SLC35F3: variants seen among roughly 807,000 people sequenced by gnomAD.
SLC35F3 encodes solute carrier family 35 member F3, also known as putative thiamine transporter SLC35F3.
A neutral mutation model predicts 49.9 loss-of-function variants in SLC35F3; 25 were observed. That is an observed-to-expected ratio of 0.50 (90% CI 0.37 to 0.70). The LOEUF (loss-of-function observed/expected upper bound fraction) is 0.70, where lower values mean the gene tolerates loss of function less well. Among genes scored for constraint, SLC35F3 ranks in the 30% least tolerant of loss-of-function variants. The pLI is 0.00. For synonymous variants in SLC35F3, 275 were observed against 265.4 expected (o/e 1.04, Z -0.35); for missense variants, 525 against 639.8 (o/e 0.82, Z 1.94).
intron 3 of SLC35F3, among the ~76,000 whole-genome samples, chr1:234,236,264 A>T (rs1236495220): frequency 1.3e-5 from 2 of 152,052 alleles, no homozygotes; most frequent in Admixed American, 1.3e-4. Flanking sequence ...AACATGGCAA[A>T]ACCCTGTCTC....
At chr1:233,975,986 G>T (rs948639221) in intron 2 of SLC35F3, among the ~76,000 whole-genome samples, 1 of 152,122 alleles carries the variant, frequency 6.6e-6, no homozygotes, top group Non-Finnish European at 1.5e-5. Context: ...ATGAGAAAGA[G>T]GAAGAAATAA....
At chr1:234,191,620 AAAC>A (rs373777477) in intron 2 of SLC35F3, among the ~76,000 whole-genome samples, 4 of 132,888 alleles carry the variant, frequency 3.0e-5, no homozygotes, top group Non-Finnish European at 5.9e-5. Context: ...AATGAAATTG[AAAC>A]AACAACAAAA....
intron 2 of SLC35F3, among the ~76,000 whole-genome samples, chr1:233,942,439 T>C (rs1383305160): frequency 6.6e-6 from 1 of 152,190 alleles, no homozygotes; most frequent in Non-Finnish European, 1.5e-5. Flanking sequence ...TTATTTATTT[T>C]GAGACAGGGT....
chr1:234,098,487 T>TGTTGGTGG (rs1558228844), intron 2 of SLC35F3, among the ~76,000 whole-genome samples: 2 of 148,512 alleles, frequency 1.3e-5, no homozygotes, highest in Non-Finnish European at 3.0e-5. Flanking sequence ...GTGGTGACTG[T>TGTTGGTGG]TGGTGGTGGC....
At chr1:234,257,258 G>T (rs910071736) in intron 3 of SLC35F3, among the ~76,000 whole-genome samples, 1 of 152,114 alleles carries the variant, frequency 6.6e-6, no homozygotes, top group Non-Finnish European at 1.5e-5. Flanking sequence ...AATTTTTCCA[G>T]TCTCCTCTAA....
chr1:234,067,482 C>T (rs1164850709), intron 2 of SLC35F3, among the ~76,000 whole-genome samples: 1 of 152,154 alleles, frequency 6.6e-6, no homozygotes, highest in Admixed American at 6.5e-5. Flanking sequence ...TGTCCGCATC[C>T]GTGAGTGGTC....
chr1:234,077,809 G>T (rs1243149799), intron 2 of SLC35F3, among the ~76,000 whole-genome samples: 1 of 152,120 alleles, frequency 6.6e-6, no homozygotes, highest in Non-Finnish European at 1.5e-5. Context: ...CTGCAGTGCT[G>T]CCTGGCACCC....
At chr1:234,087,395 C>T (rs924346455) in intron 2 of SLC35F3, among the ~76,000 whole-genome samples, 2 of 152,166 alleles carry the variant, frequency 1.3e-5, no homozygotes, top group Non-Finnish European at 2.9e-5. Context: ...CGGTATTATC[C>T]GAAGGTCCAC....
intron 2 of SLC35F3, among the ~76,000 whole-genome samples, chr1:233,930,397 G>T (rs1436118552): frequency 1.3e-5 from 2 of 152,142 alleles, no homozygotes; most frequent in African/African-American, 4.8e-5. Flanking sequence ...ACTGCAAAGA[G>T]GTATTATAAT....
chr1:234,173,434 A>G (rs2102920010), intron 2 of SLC35F3, among the ~76,000 whole-genome samples: 1 of 152,368 alleles, frequency 6.6e-6, no homozygotes, highest in Non-Finnish European at 1.5e-5. Flanking sequence ...GAGTTCAGCC[A>G]TAATTCGAGC....
At position 233,936,973 on chromosome 1, in the gene SLC35F3, T is replaced by C. The variant is rs140516986; in HGVS notation, c.283+31215T>C. ...TCCCAAAGTGTTGAGATTACAGGCGTGACCACTGCATCTGGCCACCTCTGT... is the reference window on the plus strand; with the variant it reads ...TCCCAAAGTGTTGAGATTACAGGCGCGACCACTGCATCTGGCCACCTCTGT... On this transcript the variant is annotated intron_variant, in intron 2 of 7. Coordinates refer to ENST00000366618, the MANE Select transcript of SLC35F3 (RefSeq NM_173508.4). Among the ~76,000 whole-genome samples the C allele has an allele frequency of 7.2e-3, 1,102 of 152,354 alleles. 15 individuals are homozygous for C. Among genetic ancestry groups the C allele is most frequent in the African/African-American group, 0.021 (886 of 41,582 alleles).
chr1:234,087,288 C>T (rs1419068898), intron 2 of SLC35F3, among the ~76,000 whole-genome samples: 4 of 152,210 alleles, frequency 2.6e-5, no homozygotes, highest in African/African-American at 9.6e-5. Context: ...CATGTCAGCC[C>T]AGCCATCTGT....
intron 2 of SLC35F3, among the ~76,000 whole-genome samples, chr1:234,155,426 G>C (rs1666137599): frequency 8.1e-6 from 1 of 122,848 alleles, no homozygotes. Context: ...TATTATTTTT[G>C]AGAGACAAAG....
intron 3 of SLC35F3, among the ~76,000 whole-genome samples, chr1:234,242,684 AC>A (rs1251382498): frequency 5.3e-5 from 8 of 152,344 alleles, no homozygotes; most frequent in African/African-American, 1.9e-4. Context: ...CAGAGAGAAA[AC>A]AAAGATGATT....
At chr1:234,066,828 TCCCACACACACACA>T (rs1664626975) in intron 2 of SLC35F3, among the ~76,000 whole-genome samples, 2 of 99,050 alleles carry the variant, frequency 2.0e-5, no homozygotes, top group African/African-American at 9.0e-5. Context: ...TCCCTCTCTC[TCCCACACACACACA>T]CACACACACA....
intron 3 of SLC35F3, among the ~76,000 whole-genome samples, chr1:234,279,654 A>G (rs1185920775): frequency 6.6e-6 from 1 of 152,196 alleles, no homozygotes; most frequent in Non-Finnish European, 1.5e-5. Flanking sequence ...CCAGCACCCA[A>G]GTGAACATGG....
chr1:234,049,618 T>C (rs1348093781), intron 2 of SLC35F3, among the ~76,000 whole-genome samples: 1 of 152,076 alleles, frequency 6.6e-6, no homozygotes, highest in Non-Finnish European at 1.5e-5. Flanking sequence ...CAATACTAAT[T>C]TTGTATTTTT....
At chr1:234,037,165 G>A (rs1037988572) in intron 2 of SLC35F3, among the ~76,000 whole-genome samples, 1 of 152,182 alleles carries the variant, frequency 6.6e-6, no homozygotes. Flanking sequence ...ATGAGGCATA[G>A]TGCCAGCATC....
intron 2 of SLC35F3, among the ~76,000 whole-genome samples, chr1:233,912,581 G>A (rs1422633319): frequency 2.6e-5 from 4 of 152,182 alleles, no homozygotes; most frequent in African/African-American, 4.8e-5. Context: ...CAGTAGTCCC[G>A]CTTTATCGGA....
Sources: gnomAD v4.1 joint callset for allele counts (sites outside exome capture counted in the v4.1 genomes callset) on GRCh38, gnomAD v4.1.1 for gene constraint, MANE v1.5 for transcripts, NCBI Gene and HGNC (gene_info 2026-07-23, HGNC 2026-07-21) for gene names.